Variants in GMEB2 observed in about 807,000 individuals in gnomAD.
The protein encoded by GMEB2 is glucocorticoid modulatory element-binding protein 2.
A neutral mutation model predicts 45.7 loss-of-function variants in GMEB2; 7 were observed. The ratio of observed to expected loss-of-function variants is 0.15; its 90% confidence interval spans 0.09 to 0.29. GMEB2 has a LOEUF of 0.29. GMEB2 is among the 10% of genes least tolerant of loss of function. GMEB2 has a pLI of 1.00. For missense variants in GMEB2, 582 were observed against 739.2 expected, an observed-to-expected ratio of 0.79 and a Z score of 2.47; for synonymous variants, 322 against 323.6, an observed-to-expected ratio of 1.00 and a Z score of 0.05.
At chr20:63,618,657 A>G in intron 2 of GMEB2, among the ~76,000 whole-genome samples, 1 of 152,198 alleles carries the variant, frequency 6.6e-6, no homozygotes, top group South Asian at 2.1e-4. Flanking sequence ...GCCCCAGACC[A>G]GAGCCCCAGA....
At position 63,594,068 on chromosome 20, in the gene GMEB2, T is replaced by C. The variant is rs557839178; in HGVS notation, c.620-986A>G. 1.6e-3 allele frequency among the ~76,000 whole-genome samples: 247 copies of C among 152,382 alleles called. 1 individual carries two copies. Among genetic ancestry groups the C allele is most frequent in the African/African-American group, 5.7e-3 (238 of 41,596 alleles). ...AAGCAGTTGAATGTTTTGGGAATACTGGCCTTTTCCACATTCATCAAAGAC... is the reference window on the plus strand; with the variant it reads ...AAGCAGTTGAATGTTTTGGGAATACCGGCCTTTTCCACATTCATCAAAGAC... On this transcript the variant is annotated intron_variant, in intron 6 of 9. Transcript: ENST00000370077.
chr20:63,597,035 A>C (rs916621673), intron 5 of GMEB2, among the ~76,000 whole-genome samples: 5 of 152,198 alleles, frequency 3.3e-5, no homozygotes, highest in Non-Finnish European at 7.3e-5. Flanking sequence ...AGTGAAAGAA[A>C]GGACAGAAAT....
At chr20:63,606,507 C>T (rs1014673615) in intron 2 of GMEB2, among the ~76,000 whole-genome samples, 2 of 152,118 alleles carry the variant, frequency 1.3e-5, no homozygotes, top group Non-Finnish European at 2.9e-5. Context: ...GCCACCATGC[C>T]TGGCTAATTT....
rs1464132070 is a variant in GMEB2, at chr20:63,590,063, T to C, written c.*26A>G. On this transcript the variant is annotated 3_prime_UTR_variant, in exon 10 of 10. Coordinates refer to ENST00000370077, the MANE Select transcript of GMEB2 (RefSeq NM_012384.5). Reference sequence around the variant, plus strand: ...GCTGAGAGACAGCCAGCCCTGTCCGTCCCAGGGGCCTCGCCCTCCTGTCGG... The same window carrying C: ...GCTGAGAGACAGCCAGCCCTGTCCGCCCCAGGGGCCTCGCCCTCCTGTCGG... 5.4e-6 allele frequency: 8 copies of C among 1,494,516 alleles called. No individual in the cohort carries two copies. Among genetic ancestry groups the C allele is most frequent in the Non-Finnish European group, 6.2e-6 (7 of 1,125,278 alleles). The allele number at this position is 1,494,516 out of a possible 1,614,324, so 92.6% of individuals were successfully genotyped here. A position where few individuals can be genotyped will look rare whatever the true frequency, so the allele number is the denominator to read the frequency against.
intron 2 of GMEB2, among the ~76,000 whole-genome samples, chr20:63,613,063 G>A (rs904894933): frequency 3.3e-5 from 5 of 151,724 alleles, no homozygotes; most frequent in Non-Finnish European, 5.9e-5. Context: ...CCGGATTCAC[G>A]CCATTCCCCT....
At chr20:63,613,401 G>A (rs1411588433) in intron 2 of GMEB2, among the ~76,000 whole-genome samples, 8 of 152,224 alleles carry the variant, frequency 5.3e-5, no homozygotes, top group African/African-American at 1.7e-4. Flanking sequence ...GCCTGTGTCT[G>A]CCACTGCCCT....
chr20:63,615,118 G>A (rs573088564), intron 2 of GMEB2, among the ~76,000 whole-genome samples: 7 of 152,220 alleles, frequency 4.6e-5, no homozygotes, highest in African/African-American at 1.7e-4. Flanking sequence ...TGGAGCCTAG[G>A]CACGACTCAG....
intron 5 of GMEB2, among the ~76,000 whole-genome samples, 186 bp from the exon 6 acceptor site, chr20:63,595,953 G>A (rs999949138): frequency 6.6e-6 from 1 of 152,250 alleles, no homozygotes; most frequent in Non-Finnish European, 1.5e-5. Context: ...CCCTGCTGCT[G>A]AAGAAGCAGC....
rs114709751 is a variant in GMEB2 at position 63,605,485 on chromosome 20, C to T, written c.132-645G>A. 3.4e-3 allele frequency among the ~76,000 whole-genome samples: 508 copies of T among 148,532 alleles called. 4 individuals are homozygous for T. The highest frequency in any genetic ancestry group is 0.01 in the African/African-American group (405 of 40,158). The stretch of plus-strand genomic sequence containing the variant: ...GAGGTGTGAGTGGGGATTGTGTCAC[C>T]GCACTCCAGCCTGGGCGACAGAGCA... On this transcript the variant is annotated intron_variant, in intron 2 of 9. Coordinates refer to ENST00000370077, the MANE Select transcript of GMEB2 (RefSeq NM_012384.5).
Position 63,592,821 on chromosome 20 carries a change from A to G in GMEB2, c.692-151T>C. ...TGCTGGGCTTGCACTGCCCAGACAC[A>G]TCCACAGTGCCAAAATCTAGCAGGT... is the stretch of plus-strand genomic sequence containing the variant. On this transcript the variant is annotated intron_variant, in intron 7 of 9. Coordinates refer to ENST00000370077, the MANE Select transcript of GMEB2 (RefSeq NM_012384.5). The surrounding 1 kb of genome is among the most constrained non-coding windows in gnomAD (Gnocchi z 8.2). 1.3e-6 allele frequency: 1 copy of G among 787,616 alleles called. No individual in the cohort carries two copies. Among genetic ancestry groups the G allele is most frequent in the Non-Finnish European group, 2.2e-6 (1 of 458,010 alleles). The allele number at this position is 787,616 out of a possible 1,614,324, so 48.8% of individuals were successfully genotyped here.
Position 63,602,995 on chromosome 20 carries a change from C to T in GMEB2, c.327G>A (p.Val109=), listed in dbSNP as rs1442913928. Residue 109 remains valine, a synonymous_variant, in exon 4 of 10, where the codon GTG becomes GTA. Transcript: ENST00000370077. ...SRANLIWRKF[V]CPGINVKCVQ... ...CACATTTCACATTGATGCCGGGACACACAAACTTCCTCCAGATGAGGTTGG... is the reference window on the plus strand; with the variant it reads ...CACATTTCACATTGATGCCGGGACATACAAACTTCCTCCAGATGAGGTTGG... 6.2e-7 allele frequency: 1 copy of T among 1,614,038 alleles called. No individual in the cohort carries two copies.
rs2083120673 is a variant in GMEB2 at position 63,589,214 on chromosome 20, G to C, written c.*875C>G. 2.5e-6 allele frequency: 1 copy of C among 399,064 alleles called. No individual in the cohort carries two copies. The highest frequency in any genetic ancestry group is 2.1e-5 in the African/African-American group (1 of 48,632). The allele number at this position is 399,064 out of a possible 1,614,324, so 24.7% of individuals were successfully genotyped here. A position where few individuals can be genotyped will look rare whatever the true frequency, so the allele number is the denominator to read the frequency against. On this transcript the variant is annotated 3_prime_UTR_variant, in exon 10 of 10. Transcript: ENST00000370077. The stretch of plus-strand genomic sequence containing the variant: ...CCTCATGGATCTCAGACCCCTGGGA[G>C]GGGCCGGCTCAGGGACAGGCTGCCC...
chr20:63,623,720 C>G (rs1306395798), intron 1 of GMEB2, among the ~76,000 whole-genome samples: 1 of 151,952 alleles, frequency 6.6e-6, no homozygotes, highest in African/African-American at 2.4e-5. Context: ...ATCGCTTGAA[C>G]CTGGGCAGCA....
rs1002135788 is a variant in GMEB2, at chr20:63,593,819, C to G, written c.620-737G>C. Reference sequence around the variant, plus strand: ...GGTGGATCACCTAAGGTCAGGAGTTCGAGAACAGCCTGGGCAACACGGCAA... The same window carrying G: ...GGTGGATCACCTAAGGTCAGGAGTTGGAGAACAGCCTGGGCAACACGGCAA... On this transcript the variant is annotated intron_variant, in intron 6 of 9. Coordinates refer to ENST00000370077, the MANE Select transcript of GMEB2 (RefSeq NM_012384.5). This position sits in a 1 kb window ranked among gnomAD's most constrained non-coding sequence, Gnocchi z 4.7. Among the ~76,000 whole-genome samples the G allele has an allele frequency of 4.6e-5, 7 of 152,276 alleles. No individual in the cohort carries two copies. The highest frequency in any genetic ancestry group is 7.3e-5 in the Non-Finnish European group (5 of 68,034).
chr20:63,606,344 AACAATTT>A (rs2089519028), intron 2 of GMEB2, among the ~76,000 whole-genome samples: 1 of 138,154 alleles, frequency 7.2e-6, no homozygotes, highest in African/African-American at 2.6e-5. Flanking sequence ...AAACACCACA[AACAATTT>A]TTTTTTTTTT....
chr20:63,590,330 G>A lies in GMEB2; in HGVS notation c.1352C>T (p.Ala451Val), dbSNP rs898807447. The change falls in exon 10 of 10, where the codon GCG becomes GTG. Residue 451 changes from alanine to valine, a missense_variant. Ala to Val is a moderately conservative substitution (Grantham distance 64). Transcript: ENST00000370077. ...CGTGCTCAGGACCGTGAGGCTGGAC[G>A]CGTCCGGGTGGATCTCCACTGTGCT... The part of the protein sequence containing the change: ...YPSTVEIHPD[A>V]SSLTVLSTAA... 4.3e-6 allele frequency: 7 copies of A among 1,612,024 alleles called. No homozygotes were observed. Among genetic ancestry groups the A allele is most frequent in the Admixed American group, 1.7e-5 (1 of 59,982 alleles).
chr20:63,622,302 G>A (rs1232525484), intron 1 of GMEB2, among the ~76,000 whole-genome samples: 1 of 152,178 alleles, frequency 6.6e-6, no homozygotes, highest in African/African-American at 2.4e-5. Context: ...GTCCCCTGCG[G>A]AGAGTCTGGC....
At position 63,597,795 on chromosome 20, in the gene GMEB2, G is replaced by C; in HGVS notation, c.423C>G (p.Asp141Glu). 6.2e-7 allele frequency: 1 copy of C among 1,611,048 alleles called. No homozygotes were observed. The highest frequency in any genetic ancestry group is 8.5e-7 in the Non-Finnish European group (1 of 1,177,214). ...CGTTCATGCGGATGGCTCTCTTCCA[G>C]TCCTTCAGGGTGGACTTCCCGGCCA... ...VHLAGKSTLK[D>E]WKRAIRMNGI... Residue 141 changes from aspartate to glutamate, a missense_variant, in exon 5 of 10, where the codon GAC (aspartate) becomes GAG (glutamate). Around this residue, in one of 3 missense-constraint regions of GMEB2, gnomAD observed 462 missense variants for 586.7 expected, o/e 0.79. Transcript: ENST00000370077.
intron 2 of GMEB2, among the ~76,000 whole-genome samples, chr20:63,610,041 A>C (rs1418416904): frequency 6.6e-6 from 1 of 152,098 alleles, no homozygotes. Context: ...GTGTTCCCAC[A>C]CTGGCATGAG....
Sources: allele counts gnomAD v4.1 joint callset (sites outside exome capture counted in the v4.1 genomes callset), GRCh38; gene constraint gnomAD v4.1.1; regional missense constraint gnomAD v4.1.1; non-coding constraint Gnocchi (gnomAD v3.1); transcripts MANE v1.5; gene names NCBI Gene and HGNC (gene_info 2026-07-23, HGNC 2026-07-21).